The following ADCY2 variants were observed in gnomAD, a reference collection of about 807,000 sequenced individuals.
ADCY2 encodes the protein adenylate cyclase type 2.
A neutral mutation model predicts 125.2 loss-of-function variants in ADCY2; 31 were observed. The ratio of observed to expected loss-of-function variants is 0.25; its 90% CI spans 0.19 to 0.33. The LOEUF (loss-of-function observed/expected upper bound fraction) is 0.33, where lower values mean the gene tolerates loss of function less well. Among genes scored for constraint, ADCY2 ranks in the 10% least tolerant of loss-of-function variants. ADCY2 has a pLI of 1.00. For missense variants in ADCY2, 904 were observed against 1,418.2 expected, an observed-to-expected ratio of 0.64 and a Z score of 5.82; for synonymous variants, 512 against 548.4, an observed-to-expected ratio of 0.93 and a Z score of 0.93.
At chr5:7,443,378 C>T (rs1741084660) in intron 2 of ADCY2, among the ~76,000 whole-genome samples, 3 of 151,890 alleles carry the variant, frequency 2.0e-5, no homozygotes, top group African/African-American at 4.8e-5. Flanking sequence ...CAAGGCCGGG[C>T]GTGATGGCTC....
intron 18 of ADCY2, among the ~76,000 whole-genome samples, chr5:7,778,073 T>C (rs1004805409): frequency 6.6e-6 from 1 of 152,222 alleles, no homozygotes; most frequent in Admixed American, 6.5e-5. Flanking sequence ...GTGGTTCCTA[T>C]CTATGACACT....
At chr5:7,513,280 TA>T (rs1744140173) in intron 2 of ADCY2, among the ~76,000 whole-genome samples, 1 of 152,204 alleles carries the variant, frequency 6.6e-6, no homozygotes, top group Non-Finnish European at 1.5e-5. Context: ...TTCCCCCAAT[TA>T]AACAGAAGAT....
intron 20 of ADCY2, chr5:7,795,777 C>G (rs904472990): frequency 6.6e-6 from 1 of 152,102 alleles, no homozygotes; most frequent in Non-Finnish European, 1.5e-5. Context: ...CACTATCAAG[C>G]GAGTCACAAA....
At chr5:7,562,928 A>T (rs981473093) in intron 3 of ADCY2, among the ~76,000 whole-genome samples, 1 of 152,204 alleles carries the variant, frequency 6.6e-6, no homozygotes, top group Non-Finnish European at 1.5e-5. Context: ...ATGGCAAGAC[A>T]TTCTTATTAA....
chr5:7,765,047 T>G (rs1743338052), intron 16 of ADCY2, among the ~76,000 whole-genome samples: 1 of 152,196 alleles, frequency 6.6e-6, no homozygotes, highest in African/African-American at 2.4e-5. Flanking sequence ...CTCTTGTACT[T>G]TAAGTTCAAC....
At chr5:7,697,487 A>G (rs1048925039) in intron 6 of ADCY2, among the ~76,000 whole-genome samples, 1 of 152,158 alleles carries the variant, frequency 6.6e-6, no homozygotes, top group African/African-American at 2.4e-5. Context: ...ACTCAAAACC[A>G]TTGCCATTCA....
At chr5:7,409,041 A>T (rs1450390806) in intron 1 of ADCY2, among the ~76,000 whole-genome samples, 1 of 152,222 alleles carries the variant, frequency 6.6e-6, no homozygotes, top group Non-Finnish European at 1.5e-5. Context: ...ATGGAATACT[A>T]TGCAGCCATG....
intron 3 of ADCY2, among the ~76,000 whole-genome samples, chr5:7,619,397 A>G (rs1189638987): frequency 6.6e-6 from 1 of 152,184 alleles, no homozygotes; most frequent in African/African-American, 2.4e-5. Flanking sequence ...AAGGATGAAA[A>G]GGAAACATCT....
chr5:7,484,372 G>A (rs1742847617), intron 2 of ADCY2, among the ~76,000 whole-genome samples: 1 of 152,134 alleles, frequency 6.6e-6, no homozygotes. Context: ...TATAACAAAT[G>A]TGCATCATCT....
intron 3 of ADCY2, among the ~76,000 whole-genome samples, chr5:7,581,332 G>A (rs1271007720): frequency 1.3e-5 from 2 of 152,032 alleles, no homozygotes; most frequent in Admixed American, 1.3e-4. Flanking sequence ...CATATATAGA[G>A]TATACTGTAT....
chr5:7,539,362 A>AT (rs1205131989), intron 3 of ADCY2, among the ~76,000 whole-genome samples: 2 of 152,038 alleles, frequency 1.3e-5, no homozygotes, highest in East Asian at 3.8e-4. Context: ...GATTAAAAAA[A>AT]AAAAAATAAA....
chr5:7,464,252 C>G (rs1048288211), intron 2 of ADCY2, among the ~76,000 whole-genome samples: 2 of 152,124 alleles, frequency 1.3e-5, no homozygotes, highest in Non-Finnish European at 2.9e-5. Flanking sequence ...CGGAGCTCTG[C>G]GCTGCTGTGT....
chr5:7,497,996 A>T (rs1383925891), intron 2 of ADCY2, among the ~76,000 whole-genome samples: 1 of 152,160 alleles, frequency 6.6e-6, no homozygotes, highest in Non-Finnish European at 1.5e-5. Flanking sequence ...GAACATTTAC[A>T]GTGTTTTCTA....
intron 18 of ADCY2, among the ~76,000 whole-genome samples, chr5:7,779,008 G>A (rs1293389980): frequency 6.6e-6 from 1 of 152,164 alleles, no homozygotes; most frequent in African/African-American, 2.4e-5. Flanking sequence ...ATTCCTTTCA[G>A]ATTTACCATC....
intron 20 of ADCY2, among the ~76,000 whole-genome samples, chr5:7,791,821 G>T (rs1579440868): frequency 6.6e-6 from 1 of 152,070 alleles, no homozygotes; most frequent in Non-Finnish European, 1.5e-5. Context: ...GCCTCCTGGG[G>T]ATAGGATCCT....
chr5:7,797,899 T>C, intron 20 of ADCY2: 1 of 152,482 alleles, frequency 6.6e-6, no homozygotes, highest in Non-Finnish European at 1.5e-5. Context: ...TGAGTGGTCC[T>C]GGGAAGCATC....
intron 2 of ADCY2, among the ~76,000 whole-genome samples, chr5:7,458,964 C>T (rs1310803915): frequency 6.6e-6 from 1 of 152,142 alleles, no homozygotes; most frequent in Non-Finnish European, 1.5e-5. Context: ...TGTCCATTGC[C>T]ACAATTATGC....
chr5:7,545,849 T>C (rs1735131964), intron 3 of ADCY2, among the ~76,000 whole-genome samples: 1 of 152,190 alleles, frequency 6.6e-6, no homozygotes, highest in African/African-American at 2.4e-5. Flanking sequence ...CTATGGTAAC[T>C]GGAGGCTGGG....
rs763709647 is a variant in ADCY2, at chr5:7,690,677, CCCA to C, written c.721-11_721-9del. On this transcript the variant is annotated splice_polypyrimidine_tract_variant and intron_variant, in intron 4 of 24. Coordinates refer to ENST00000338316, the MANE Select transcript of ADCY2 (RefSeq NM_020546.3). Reference sequence around the variant, plus strand: ...TCTGAGAGACATTTGTTCCTCCTTCCCCACCTTGTCCAGGAGCGGCTTCTGCTC... The same window carrying C: ...TCTGAGAGACATTTGTTCCTCCTTCCCCTTGTCCAGGAGCGGCTTCTGCTC... 1.3e-6 allele frequency: 2 copies of C among 1,549,838 alleles called. No individual in the cohort carries two copies. Among genetic ancestry groups the C allele is most frequent in the Non-Finnish European group, 1.7e-6 (2 of 1,151,868 alleles).
Sources: gnomAD v4.1 joint callset for allele counts (sites outside exome capture counted in the v4.1 genomes callset) on GRCh38, gnomAD v4.1.1 for gene constraint, MANE v1.5 for transcripts, NCBI Gene and HGNC (gene_info 2026-07-23, HGNC 2026-07-21) for gene names.